Variants in SGCZ observed in about 807,000 individuals in gnomAD.
SGCZ encodes zeta-sarcoglycan.
In SGCZ, 40 loss-of-function variants were observed where a neutral mutation model predicts 41.3. That is an observed-to-expected ratio of 0.97 (90% confidence interval 0.75 to 1.26). The LOEUF is 1.26. Ranked by LOEUF, SGCZ falls within the 50% of genes most tolerant of loss-of-function variation. The pLI is 0.00. For missense variants in SGCZ, 552 were observed against 369.8 expected (o/e 1.49, Z -4.04); for synonymous variants, 206 against 137.5 (o/e 1.50, Z -3.49).
intron 1 of SGCZ, among the ~76,000 whole-genome samples, chr8:15,084,728 G>C (rs552853661): frequency 2.0e-5 from 3 of 152,014 alleles, no homozygotes; most frequent in Admixed American, 6.6e-5. Flanking sequence ...CTCCAGCCTG[G>C]GCAATGGAGT....
At chr8:14,867,854 A>C (rs1362623356) in intron 1 of SGCZ, among the ~76,000 whole-genome samples, 7 of 151,874 alleles carry the variant, frequency 4.6e-5, no homozygotes, top group Non-Finnish European at 8.8e-5. Flanking sequence ...TCTGTACAAC[A>C]AACCCCCATG....
intron 7 of SGCZ, among the ~76,000 whole-genome samples, chr8:14,095,897 C>T (rs573572457): frequency 6.6e-6 from 1 of 152,120 alleles, no homozygotes; most frequent in East Asian, 1.9e-4. Context: ...TGATTTGACT[C>T]CCTGTTTGTC....
intron 1 of SGCZ, among the ~76,000 whole-genome samples, chr8:14,807,076 A>T (rs1801560831): frequency 1.3e-5 from 2 of 152,110 alleles, no homozygotes; most frequent in Non-Finnish European, 2.9e-5. Context: ...GATGGGACAT[A>T]TTTCAAAATA....
At chr8:14,823,970 C>A (rs1802201313) in intron 1 of SGCZ, among the ~76,000 whole-genome samples, 2 of 151,426 alleles carry the variant, frequency 1.3e-5, no homozygotes, top group South Asian at 4.2e-4. Flanking sequence ...ATGAAATAAG[C>A]CAGATACAGA....
At chr8:14,953,786 G>A (rs1049714804) in intron 1 of SGCZ, among the ~76,000 whole-genome samples, 9 of 152,166 alleles carry the variant, frequency 5.9e-5, no homozygotes, top group African/African-American at 2.2e-4. Context: ...GTTTACAATA[G>A]TACTTGATAC....
At chr8:14,121,362 C>G (rs1166774745) in intron 5 of SGCZ, among the ~76,000 whole-genome samples, 2 of 151,946 alleles carry the variant, frequency 1.3e-5, no homozygotes, top group African/African-American at 4.8e-5. Flanking sequence ...CAAATTGATG[C>G]CGTTATAAGG....
At chr8:14,998,319 A>G (rs1277144735) in intron 1 of SGCZ, among the ~76,000 whole-genome samples, 2 of 151,924 alleles carry the variant, frequency 1.3e-5, no homozygotes, top group Non-Finnish European at 2.9e-5. Flanking sequence ...AAATACAAAT[A>G]CTCCTTGATA....
At chr8:14,985,029 G>A (rs1209408763) in intron 1 of SGCZ, among the ~76,000 whole-genome samples, 3 of 151,984 alleles carry the variant, frequency 2.0e-5, no homozygotes, top group Non-Finnish European at 4.4e-5. Context: ...TAAACTGACG[G>A]TACCCTGATT....
At chr8:14,804,052 G>T (rs1801439677) in intron 1 of SGCZ, among the ~76,000 whole-genome samples, 1 of 121,560 alleles carries the variant, frequency 8.2e-6, no homozygotes, top group South Asian at 2.8e-4. Context: ...CAAACAGAAA[G>T]GACATCCACA....
chr8:14,194,139 A>G (rs572602282), intron 4 of SGCZ, among the ~76,000 whole-genome samples: 1 of 152,032 alleles, frequency 6.6e-6, no homozygotes, highest in African/African-American at 2.4e-5. Flanking sequence ...CACATTTATA[A>G]ATAATTTTTG....
intron 1 of SGCZ, among the ~76,000 whole-genome samples, chr8:15,057,248 G>A (rs946563253): frequency 6.6e-6 from 1 of 152,162 alleles, no homozygotes; most frequent in African/African-American, 2.4e-5. Context: ...CCTATGTTGA[G>A]CAAGAATATG....
At chr8:15,076,939 G>A (rs66851234) in intron 1 of SGCZ, among the ~76,000 whole-genome samples, 14,012 of 152,076 alleles carry the variant, frequency 0.092, 992 homozygotes, top group East Asian at 0.28. Context: ...CATGTCAATT[G>A]ATTGGGACTT....
At chr8:14,378,903 T>G (rs907192458) in intron 2 of SGCZ, among the ~76,000 whole-genome samples, 1 of 152,166 alleles carries the variant, frequency 6.6e-6, no homozygotes, top group African/African-American at 2.4e-5. Context: ...AAATCTTTAT[T>G]TGACTTATAA....
At position 14,413,605 on chromosome 8, in the gene SGCZ, G is replaced by A. The variant is rs554756915; in HGVS notation, c.235-89401C>T. ...AACTTAAGTAGTTTTTGAAATATAT[G>A]CTGATAATGTTTATATCTTAGATTT... On this transcript the variant is annotated intron_variant, in intron 2 of 7. Coordinates refer to ENST00000382080, the MANE Select transcript of SGCZ (RefSeq NM_139167.4). Among the ~76,000 whole-genome samples, 119 of 152,048 alleles carry A rather than the reference G, an allele frequency of 7.8e-4. 1 individual carries two copies. Among genetic ancestry groups the A allele is most frequent in the African/African-American group, 2.3e-3 (94 of 41,530 alleles).
intron 1 of SGCZ, among the ~76,000 whole-genome samples, chr8:14,593,479 T>C (rs1805305747): frequency 6.6e-6 from 1 of 152,292 alleles, no homozygotes; most frequent in East Asian, 1.9e-4. Flanking sequence ...TAATTTGTTT[T>C]AGCGGCAATG....
chr8:14,424,035 C>A (rs771211598), intron 2 of SGCZ, among the ~76,000 whole-genome samples: 37 of 152,026 alleles, frequency 2.4e-4, no homozygotes, highest in Non-Finnish European at 4.7e-4. Context: ...TTGAAAGCTT[C>A]AAAACACAAA....
At chr8:14,796,387 G>A (rs905508761) in intron 1 of SGCZ, among the ~76,000 whole-genome samples, 1 of 151,682 alleles carries the variant, frequency 6.6e-6, no homozygotes, top group Non-Finnish European at 1.5e-5. Context: ...TCAAGTTGCT[G>A]GTATTACAGG....
chr8:14,544,301 A>C (rs2117159554), intron 2 of SGCZ, among the ~76,000 whole-genome samples: 1 of 152,306 alleles, frequency 6.6e-6, no homozygotes, highest in Middle Eastern at 3.4e-3. Context: ...TAACTGTGGT[A>C]ACTGTACAAA....
intron 1 of SGCZ, among the ~76,000 whole-genome samples, chr8:15,086,688 A>T (rs28586947): frequency 0.12 from 17,802 of 151,990 alleles, 1,673 homozygotes; most frequent in East Asian, 0.28. Flanking sequence ...GCTTTTTTTT[A>T]AAAATTACAT....
Sources: gnomAD v4.1 joint callset for allele counts (sites outside exome capture counted in the v4.1 genomes callset) on GRCh38, gnomAD v4.1.1 for gene constraint, MANE v1.5 for transcripts, NCBI Gene and HGNC (gene_info 2026-07-23, HGNC 2026-07-21) for gene names.